HIBADH: variants seen among roughly 807,000 people sequenced by gnomAD.
HIBADH encodes 3-hydroxyisobutyrate dehydrogenase.
In HIBADH, 25 loss-of-function variants were observed where a neutral mutation model predicts 36.1. The ratio of observed to expected loss-of-function variants is 0.69; its 90% CI spans 0.50 to 0.97. The LOEUF is 0.97. Among genes scored for constraint, HIBADH ranks in the 50% least tolerant of loss-of-function variants. The probability of loss-of-function intolerance (pLI) is 0.00; values close to 1 mark genes in which losing one functional copy is unlikely to be tolerated. For missense variants in HIBADH, 421 were observed against 418.0 expected (o/e 1.01, Z -0.06); for synonymous variants, 160 against 149.5 (o/e 1.07, Z -0.51).
chr7:27,609,561 C>G (rs926426292), intron 4 of HIBADH, among the ~76,000 whole-genome samples: 1 of 152,142 alleles, frequency 6.6e-6, no homozygotes, highest in Admixed American at 6.6e-5. Flanking sequence ...TGACCCAGTT[C>G]TGTGTACTAG....
chr7:27,589,946 G>GTCCTGTTTTGTGAACCAGAA (rs1784917238), intron 4 of HIBADH, among the ~76,000 whole-genome samples: 1 of 152,012 alleles, frequency 6.6e-6, no homozygotes, highest in Non-Finnish European at 1.5e-5. Context: ...GTGAACCAGA[G>GTCCTGTTTTGTGAACCAGAA]TAAGAGTTCT....
chr7:27,527,594 G>A (rs189751520), intron 7 of HIBADH, among the ~76,000 whole-genome samples: 1 of 152,246 alleles, frequency 6.6e-6, no homozygotes, highest in East Asian at 1.9e-4. Context: ...TTTAATAATT[G>A]AAGGTTTGTG....
chr7:27,563,550 T>C (rs1784498133), intron 4 of HIBADH, among the ~76,000 whole-genome samples: 1 of 152,260 alleles, frequency 6.6e-6, no homozygotes, highest in Admixed American at 6.5e-5. Flanking sequence ...CATATTCTCA[T>C]CAGCACTTAA....
intron 4 of HIBADH, among the ~76,000 whole-genome samples, chr7:27,545,715 TATTA>T (rs1784227959): frequency 1.3e-5 from 2 of 152,314 alleles, no homozygotes; most frequent in African/African-American, 2.4e-5. Context: ...ACATATATTT[TATTA>T]ATTATATATA....
intron 4 of HIBADH, among the ~76,000 whole-genome samples, chr7:27,627,279 A>T (rs1304464885): frequency 6.6e-6 from 1 of 152,138 alleles, no homozygotes; most frequent in Non-Finnish European, 1.5e-5. Context: ...TCAACCAAGG[A>T]ACCAACCAAC....
intron 4 of HIBADH, among the ~76,000 whole-genome samples, chr7:27,544,108 A>G (rs990934501): frequency 6.6e-6 from 1 of 152,194 alleles, no homozygotes; most frequent in African/African-American, 2.4e-5. Flanking sequence ...AGAAACTGTA[A>G]TTGTCTGTAG....
chr7:27,546,250 G>A (rs1189052107), intron 4 of HIBADH, among the ~76,000 whole-genome samples: 1 of 152,006 alleles, frequency 6.6e-6, no homozygotes, highest in East Asian at 1.9e-4. Context: ...CTACAGGCAT[G>A]TGCCACTGTG....
chr7:27,635,552 T>C (rs773811337), intron 2 of HIBADH, among the ~76,000 whole-genome samples: 3 of 152,170 alleles, frequency 2.0e-5, no homozygotes, highest in Non-Finnish European at 4.4e-5. Flanking sequence ...GGTTCCTATC[T>C]CCAAAGTAAA....
intron 5 of HIBADH, among the ~76,000 whole-genome samples, chr7:27,541,065 C>T (rs1752708456): frequency 6.6e-6 from 1 of 151,986 alleles, no homozygotes; most frequent in Non-Finnish European, 1.5e-5. Context: ...TAGAGTTAGC[C>T]TATCCTTTCC....
intron 6 of HIBADH, among the ~76,000 whole-genome samples, chr7:27,535,930 A>G (rs1485894313): frequency 3.3e-5 from 5 of 152,118 alleles, no homozygotes; most frequent in Non-Finnish European, 5.9e-5. Context: ...ATCAGAAATG[A>G]TCACTTCACA....
At chr7:27,555,459 T>C (rs1784377194) in intron 4 of HIBADH, among the ~76,000 whole-genome samples, 1 of 152,052 alleles carries the variant, frequency 6.6e-6, no homozygotes, top group East Asian at 1.9e-4. Context: ...AAGACTCAAC[T>C]TGTCAGTTCC....
chr7:27,593,305 A>C (rs1784974944), intron 4 of HIBADH, among the ~76,000 whole-genome samples: 1 of 152,114 alleles, frequency 6.6e-6, no homozygotes, highest in Non-Finnish European at 1.5e-5. Flanking sequence ...ACACTCCAAA[A>C]TCCAAAACGC....
intron 2 of HIBADH, among the ~76,000 whole-genome samples, chr7:27,644,944 C>T (rs1028729158): frequency 1.4e-4 from 21 of 152,122 alleles, no homozygotes; most frequent in Admixed American, 2.6e-4. Context: ...GCTTCCTTCA[C>T]GCAGCATGCT....
chr7:27,656,649 T>C (rs1024639741), intron 1 of HIBADH, among the ~76,000 whole-genome samples: 3 of 152,192 alleles, frequency 2.0e-5, no homozygotes, highest in Admixed American at 1.3e-4. Flanking sequence ...ACCTGGAGAG[T>C]TGGACTACTG....
intron 4 of HIBADH, among the ~76,000 whole-genome samples, chr7:27,590,931 A>G (rs1289726864): frequency 6.6e-6 from 1 of 152,182 alleles, no homozygotes; most frequent in Non-Finnish European, 1.5e-5. Flanking sequence ...TCCCTCAAAT[A>G]ACAGAGAAAT....
At chr7:27,555,236 G>A (rs1435958106) in intron 4 of HIBADH, among the ~76,000 whole-genome samples, 1 of 151,582 alleles carries the variant, frequency 6.6e-6, no homozygotes, top group Non-Finnish European at 1.5e-5. Context: ...GGTAATTTAA[G>A]TGGGGAGAAC....
intron 4 of HIBADH, among the ~76,000 whole-genome samples, chr7:27,581,746 G>C (rs2192559): frequency 0.2 from 30,964 of 151,704 alleles, 4,122 homozygotes; most frequent in East Asian, 0.51. Flanking sequence ...AAGTTCAGAA[G>C]ACTCTGTGGA....
At chr7:27,566,143 T>C (rs2128187425) in intron 4 of HIBADH, among the ~76,000 whole-genome samples, 1 of 152,228 alleles carries the variant, frequency 6.6e-6, no homozygotes, top group South Asian at 2.1e-4. Context: ...TTTATCTGGT[T>C]TTAGTATCAG....
chr7:27,567,427 A>C (rs1356529826), intron 4 of HIBADH, among the ~76,000 whole-genome samples: 1 of 152,112 alleles, frequency 6.6e-6, no homozygotes, highest in African/African-American at 2.4e-5. Context: ...TTTTAAATCC[A>C]ATCTGATAAT....
Sources: allele counts gnomAD v4.1 joint callset (sites outside exome capture counted in the v4.1 genomes callset), GRCh38; gene constraint gnomAD v4.1.1; transcripts MANE v1.5; gene names NCBI Gene and HGNC (gene_info 2026-07-23, HGNC 2026-07-21).